The following CHRM3 variants were observed in gnomAD, a reference collection of about 807,000 sequenced individuals.
CHRM3 encodes cholinergic receptor muscarinic 3, also known as muscarinic acetylcholine receptor M3.
In CHRM3, 11 loss-of-function variants were observed where a neutral mutation model predicts 41.8. The ratio of observed to expected loss-of-function variants is 0.26; its 90% CI spans 0.17 to 0.44. CHRM3 has a LOEUF of 0.44. Ranked by LOEUF, CHRM3 falls within the 20% of genes least tolerant of loss-of-function variation. The pLI, the probability that CHRM3 is intolerant of heterozygous loss-of-function variation, is 1.00. For synonymous variants in CHRM3, 297 were observed against 301.4 expected, an observed-to-expected ratio of 0.99 and a Z score of 0.15; for missense variants, 571 against 745.4, an observed-to-expected ratio of 0.77 and a Z score of 2.72.
intron 3 of CHRM3, among the ~76,000 whole-genome samples, chr1:239,629,753 T>C (rs180978720): frequency 2.0e-5 from 3 of 152,210 alleles, no homozygotes; most frequent in African/African-American, 7.2e-5. Context: ...ATGGACATCA[T>C]AAATCAGAGT....
At chr1:239,780,718 C>T (rs1572269870) in intron 5 of CHRM3, among the ~76,000 whole-genome samples, 1 of 152,010 alleles carries the variant, frequency 6.6e-6, no homozygotes, top group Non-Finnish European at 1.5e-5. Flanking sequence ...TCCTTCGTTA[C>T]GTTCTAGAAG....
chr1:239,845,932 T>A (rs1410534259), intron 6 of CHRM3, among the ~76,000 whole-genome samples: 1 of 152,230 alleles, frequency 6.6e-6, no homozygotes, highest in East Asian at 1.9e-4. Context: ...TTAGTATTGA[T>A]TTTATAAAAT....
rs1358477417 is a variant in CHRM3 at position 239,387,882 on chromosome 1, G to A, written c.-521+655G>A. Reference sequence around the variant, plus strand: ...ACCCGGGGAGAGTCTGCACTCGCGAGGCAGCGGCCGCTGGACTGCACCGGT... The same window carrying A: ...ACCCGGGGAGAGTCTGCACTCGCGAAGCAGCGGCCGCTGGACTGCACCGGT... On this transcript the variant is annotated intron_variant, in intron 1 of 6. Transcript: ENST00000676153. This position sits in a 1 kb window ranked among gnomAD's most constrained non-coding sequence, Gnocchi z 5.1. Among the ~76,000 whole-genome samples, 1 of 152,174 alleles carries A rather than the reference G, an allele frequency of 6.6e-6. No homozygotes were observed.
intron 3 of CHRM3, among the ~76,000 whole-genome samples, chr1:239,603,600 T>G (rs1665883142): frequency 6.6e-6 from 1 of 152,108 alleles, no homozygotes; most frequent in Admixed American, 6.6e-5. Context: ...GGGGCTTCTA[T>G]CTTTCTTTTT....
chr1:239,665,980 A>C (rs1368426491), intron 4 of CHRM3, among the ~76,000 whole-genome samples: 1 of 152,116 alleles, frequency 6.6e-6, no homozygotes, highest in Non-Finnish European at 1.5e-5. Flanking sequence ...ATAAACATAC[A>C]TGTGCATGTG....
chr1:239,588,414 A>G (rs745776718), intron 3 of CHRM3, among the ~76,000 whole-genome samples: 1 of 152,202 alleles, frequency 6.6e-6, no homozygotes, highest in African/African-American at 2.4e-5. Flanking sequence ...GAGACCCTCA[A>G]CAAAGAACTG....
chr1:239,799,269 C>A (rs1409473931), intron 5 of CHRM3, among the ~76,000 whole-genome samples: 1 of 152,006 alleles, frequency 6.6e-6, no homozygotes. Context: ...GAGTGGAGTG[C>A]ACTGGATTGA....
chr1:239,701,524 C>G (rs760864400), intron 5 of CHRM3, among the ~76,000 whole-genome samples: 160 of 152,290 alleles, frequency 1.1e-3, no homozygotes, highest in Non-Finnish European at 2.0e-3. Context: ...TGATTGACAG[C>G]TGTCCCTCAT....
chr1:239,821,114 G>C (rs1223534434), intron 5 of CHRM3, among the ~76,000 whole-genome samples: 5 of 152,166 alleles, frequency 3.3e-5, no homozygotes, highest in African/African-American at 1.2e-4. Flanking sequence ...GACTTCATGG[G>C]TTCAGTGGCC....
intron 6 of CHRM3, among the ~76,000 whole-genome samples, chr1:239,894,147 A>C (rs759988584): frequency 6.6e-6 from 1 of 152,234 alleles, no homozygotes; most frequent in African/African-American, 2.4e-5. Context: ...CTAAGGAACC[A>C]CTTTATTTTC....
intron 2 of CHRM3, among the ~76,000 whole-genome samples, chr1:239,524,374 A>C (rs1669853658): frequency 1.3e-5 from 2 of 152,156 alleles, no homozygotes; most frequent in Admixed American, 1.3e-4. Context: ...TCCACTTTGT[A>C]ATATGTTAGC....
At position 239,400,093 on chromosome 1, in the gene CHRM3, T is replaced by A. The variant is rs114292606; in HGVS notation, c.-521+12866T>A. Reference sequence around the variant, plus strand: ...TGCCTGGCTAATTTTTGTATTATGATAGATAGGGTTTCGCCATGTTGGCCA... The same window carrying A: ...TGCCTGGCTAATTTTTGTATTATGAAAGATAGGGTTTCGCCATGTTGGCCA... On this transcript the variant is annotated intron_variant, in intron 1 of 6. Coordinates refer to ENST00000676153, the MANE Select transcript of CHRM3 (RefSeq NM_001375978.1). Among the ~76,000 whole-genome samples, 995 of 152,048 alleles carry A rather than the reference T, an allele frequency of 6.5e-3. 9 individuals are homozygous for A. The highest frequency in any genetic ancestry group is 0.022 in the African/African-American group (911 of 41,510).
intron 1 of CHRM3, among the ~76,000 whole-genome samples, chr1:239,481,216 A>C (rs1242968001): frequency 6.6e-6 from 1 of 152,198 alleles, no homozygotes; most frequent in Non-Finnish European, 1.5e-5. Context: ...ATATGTACAT[A>C]TATGTATGCT....
intron 5 of CHRM3, among the ~76,000 whole-genome samples, chr1:239,713,966 A>G (rs6429154): frequency 0.4 from 61,423 of 152,040 alleles, 12,727 homozygotes; most frequent in Middle Eastern, 0.51. Flanking sequence ...TTAATACGGC[A>G]GATTTCTTTC....
chr1:239,864,186 T>C (rs12057299), intron 6 of CHRM3, among the ~76,000 whole-genome samples: 14,395 of 151,832 alleles, frequency 0.095, 1,060 homozygotes, highest in African/African-American at 0.2. Flanking sequence ...AGCGAGACCC[T>C]GCCCCCCCAC....
chr1:239,749,649 CAG>C (rs1665650118), intron 5 of CHRM3, among the ~76,000 whole-genome samples: 2 of 152,126 alleles, frequency 1.3e-5, no homozygotes, highest in Admixed American at 1.3e-4. Context: ...GCCTGGGTGA[CAG>C]AGCAAGACTC....
chr1:239,624,638 AC>A (rs1668832920), intron 3 of CHRM3, among the ~76,000 whole-genome samples: 1 of 150,456 alleles, frequency 6.6e-6, no homozygotes, highest in Non-Finnish European at 1.5e-5. Flanking sequence ...TTTAGGTCTA[AC>A]GTTTAAATCT....
chr1:239,424,065 A>G (rs944326885), intron 1 of CHRM3, among the ~76,000 whole-genome samples: 2 of 151,736 alleles, frequency 1.3e-5, no homozygotes, highest in African/African-American at 4.8e-5. Context: ...AAAAAAAAAA[A>G]AAAAAAGAAA....
At chr1:239,894,759 A>T (rs1193185075) in intron 6 of CHRM3, among the ~76,000 whole-genome samples, 1 of 152,070 alleles carries the variant, frequency 6.6e-6, no homozygotes, top group African/African-American at 2.4e-5. Flanking sequence ...ATAAAGCTTA[A>T]CCCACCAACA....
Sources: allele counts gnomAD v4.1 joint callset (sites outside exome capture counted in the v4.1 genomes callset), GRCh38; gene constraint gnomAD v4.1.1; non-coding constraint Gnocchi (gnomAD v3.1); transcripts MANE v1.5; gene names NCBI Gene and HGNC (gene_info 2026-07-23, HGNC 2026-07-21).